The following U2SURP variants were observed in gnomAD, a reference collection of about 807,000 sequenced individuals.
U2SURP encodes the protein U2 snRNP associated SURP domain containing.
Under a neutral mutation model 144.9 loss-of-function variants are expected in U2SURP, and 9 were observed. The ratio of observed to expected loss-of-function variants is 0.06; its 90% CI spans 0.04 to 0.11. The LOEUF (loss-of-function observed/expected upper bound fraction) is 0.11. Ranked by LOEUF, U2SURP falls within the 10% of genes least tolerant of loss-of-function variation. U2SURP has a pLI of 1.00. For synonymous variants in U2SURP, 408 were observed against 396.8 expected, an observed-to-expected ratio of 1.03 and a Z score of -0.33; for missense variants, 724 against 1,226.7, an observed-to-expected ratio of 0.59 and a Z score of 6.12.
chr3:143,019,262 A>G (rs1182914747), intron 6 of U2SURP, among the ~76,000 whole-genome samples: 2 of 152,050 alleles, frequency 1.3e-5, no homozygotes, highest in East Asian at 1.9e-4. Flanking sequence ...GGAAGCATGG[A>G]GGTTTTAAAC....
At chr3:143,031,427 T>C (rs894764552) in intron 16 of U2SURP, among the ~76,000 whole-genome samples, 5 of 113,586 alleles carry the variant, frequency 4.4e-5, no homozygotes, top group African/African-American at 1.1e-4. Flanking sequence ...ACCACCGCCC[T>C]AACCTTCAGC....
chr3:143,022,834 T>A lies in U2SURP; in HGVS notation c.1019-19T>A. The A allele has an allele frequency of 2.0e-6, 3 of 1,526,604 alleles. No individual in the cohort carries two copies. The South Asian group carries it at 3.9e-5, about 20-fold the overall frequency. The allele number at this position is 1,526,604 out of a possible 1,614,324, so 94.6% of individuals were successfully genotyped here. On this transcript the variant is annotated intron_variant, in intron 11 of 27. Coordinates refer to ENST00000473835, the MANE Select transcript of U2SURP (RefSeq NM_001080415.2). ...ACTTTTGAGAGTTAACAAAATGACCTTTCATTTCTTTCTTGTAGGAAAAAT... is the reference window on the plus strand; with the variant it reads ...ACTTTTGAGAGTTAACAAAATGACCATTCATTTCTTTCTTGTAGGAAAAAT...
Position 143,027,330 on chromosome 3 carries a change from A to G in U2SURP, c.1379+77A>G. 3.9e-6 allele frequency: 4 copies of G among 1,023,646 alleles called. No homozygotes were observed. The South Asian group carries it at 5.9e-5, about 15-fold the overall frequency. The allele number at this position is 1,023,646 out of a possible 1,614,324, so 63.4% of individuals were successfully genotyped here. ...TTAACTATTTTTAAGTATACAGTTC[A>G]GTGTCATTAAGTACATTCACATTGT... On this transcript the variant is annotated intron_variant, in intron 14 of 27. Transcript: ENST00000473835.
At chr3:143,025,449 C>G (rs1933088650) in intron 13 of U2SURP, among the ~76,000 whole-genome samples, 1 of 152,140 alleles carries the variant, frequency 6.6e-6, no homozygotes, top group Non-Finnish European at 1.5e-5. Flanking sequence ...TTAATTCACA[C>G]AAGTTTCTGG....
At chr3:143,029,200 A>C (rs186304170) in intron 16 of U2SURP, among the ~76,000 whole-genome samples, 1 of 152,246 alleles carries the variant, frequency 6.6e-6, no homozygotes, top group Non-Finnish European at 1.5e-5. Context: ...TGTATACCTC[A>C]TGGGAAAACA....
At chr3:143,023,151 ATGTG>A (rs1016450002) in intron 12 of U2SURP, 87 bp downstream of exon 12, 3 of 1,210,604 alleles carry the variant, frequency 2.5e-6, no homozygotes, top group Non-Finnish European at 3.4e-6. Context: ...TTTATAGAAA[ATGTG>A]TGTGTAATTC....
At chr3:143,021,859 C>G (rs376696193) in intron 10 of U2SURP, among the ~76,000 whole-genome samples, 1 of 152,248 alleles carries the variant, frequency 6.6e-6, no homozygotes, top group Non-Finnish European at 1.5e-5. Context: ...ATACTTGTTT[C>G]CTTGTGGAGT....
rs767344756 is a variant in U2SURP at position 143,027,264 on chromosome 3, T to C, written c.1379+11T>C. The C allele has an allele frequency of 9.3e-6, 15 of 1,605,662 alleles. No individual in the cohort carries two copies. In the South Asian group the frequency reaches 1.5e-4, roughly 17 times the overall value. On this transcript the variant is annotated intron_variant, in intron 14 of 27. Coordinates refer to ENST00000473835, the MANE Select transcript of U2SURP (RefSeq NM_001080415.2). ...CAATCCTATGTTCAGGTGTGCATTT[T>C]TTAAAAATTGTGAAATATATGTAAC...
At position 143,020,686 on chromosome 3, in the gene U2SURP, T is replaced by G. The variant is rs767999565; in HGVS notation, c.726T>G (p.Arg242=). ...CTCAGTCAGATTCTGATGGTCAGCG[T>G]CGTTCTAGTAAGTGGCATTTATTTT... ...EPPQSDSDGQ[R]RSMDAPSRRN... Residue 242 remains arginine, a synonymous_variant, in exon 8 of 28, where the codon CGT becomes CGG. Transcript: ENST00000473835. 2 of 1,612,172 alleles carry G rather than the reference T, an allele frequency of 1.2e-6. No individual in the cohort carries two copies. Among genetic ancestry groups the G allele is most frequent in the Non-Finnish European group, 1.7e-6 (2 of 1,178,860 alleles).
chr3:143,012,510 C>A, intron 3 of U2SURP, 157 bp downstream of exon 3: 1 of 610,976 alleles, frequency 1.6e-6, no homozygotes, highest in Non-Finnish European at 2.5e-6. Flanking sequence ...TAACAGTAAA[C>A]TCATTTATGT....
intron 25 of U2SURP, among the ~76,000 whole-genome samples, chr3:143,051,293 C>T (rs1208039084): frequency 1.3e-5 from 2 of 152,126 alleles, no homozygotes; most frequent in African/African-American, 2.4e-5. Flanking sequence ...ATTAATTCTG[C>T]TAAGAGCATG....
chr3:143,036,424 A>G (rs1366574761), intron 20 of U2SURP, among the ~76,000 whole-genome samples: 1 of 152,226 alleles, frequency 6.6e-6, no homozygotes, highest in Non-Finnish European at 1.5e-5. Context: ...TTTGTTAAAG[A>G]TAGCTATATA....
chr3:143,015,942 T>G (rs1014880126), intron 4 of U2SURP, among the ~76,000 whole-genome samples: 8 of 152,144 alleles, frequency 5.3e-5, no homozygotes, highest in Non-Finnish European at 1.5e-5. Flanking sequence ...TGGTAAACAT[T>G]ACTAGCAAAA....
At chr3:143,010,765 GT>G in intron 1 of U2SURP, 49 bp from the exon 2 acceptor site, 1 of 1,400,272 alleles carries the variant, frequency 7.1e-7, no homozygotes. Context: ...GACATGTTTT[GT>G]TAGTATAAGA....
chr3:143,013,731 A>G (rs1240777211), intron 3 of U2SURP, among the ~76,000 whole-genome samples: 2 of 152,120 alleles, frequency 1.3e-5, no homozygotes, highest in African/African-American at 2.4e-5. Context: ...TAAAATTGAT[A>G]TAGTTTTACT....
At chr3:143,016,151 C>A in intron 4 of U2SURP, 106 bp from the exon 5 acceptor site, 1 of 872,212 alleles carries the variant, frequency 1.1e-6, no homozygotes, top group Non-Finnish European at 1.8e-6. Flanking sequence ...GACTGCTTAA[C>A]CTGGGAAGGG....
intron 2 of U2SURP, 101 bp from the exon 3 acceptor site, chr3:143,012,121 T>G: frequency 7.2e-6 from 10 of 1,398,422 alleles, no homozygotes; most frequent in Non-Finnish European, 9.9e-6. Context: ...TAATCTACAA[T>G]GAAATTTGTC....
intron 5 of U2SURP, among the ~76,000 whole-genome samples, 154 bp from the exon 6 acceptor site, chr3:143,016,688 T>C (rs901836474): frequency 1.3e-5 from 2 of 152,150 alleles, no homozygotes; most frequent in Non-Finnish European, 2.9e-5. Flanking sequence ...TAAATTAGCA[T>C]TATTGAGGTG....
At position 143,001,676 on chromosome 3, in the gene U2SURP, A is replaced by G; in HGVS notation, c.45+3A>G. On this transcript the variant is annotated splice_donor_region_variant and intron_variant, in intron 1 of 27. Transcript: ENST00000473835. ...GATCTCAGAAGGCCAGTTCAAAGGTAATTTCTGACAAAATTTCGTAAGTCA... is the reference window on the plus strand; with the variant it reads ...GATCTCAGAAGGCCAGTTCAAAGGTGATTTCTGACAAAATTTCGTAAGTCA... 1.2e-6 allele frequency: 2 copies of G among 1,613,844 alleles called. No individual in the cohort carries two copies. The highest frequency in any genetic ancestry group is 1.7e-6 in the Non-Finnish European group (2 of 1,179,840).
Sources: gnomAD v4.1 joint callset for allele counts (sites outside exome capture counted in the v4.1 genomes callset) on GRCh38, gnomAD v4.1.1 for gene constraint, MANE v1.5 for transcripts, NCBI Gene and HGNC (gene_info 2026-07-23, HGNC 2026-07-21) for gene names.